The following KLHL30 variants were observed in gnomAD, a reference collection of about 807,000 sequenced individuals.
KLHL30 encodes the protein kelch like family member 30, also known as kelch-like protein 30.
In KLHL30, 55 loss-of-function variants were observed where a neutral mutation model predicts 55.0. The ratio of observed to expected loss-of-function variants is 1.00; its 90% CI spans 0.80 to 1.25. The LOEUF is 1.25. KLHL30 is among the 50% of genes most tolerant of loss of function. KLHL30 has a pLI of 0.00. For missense variants in KLHL30, 786 were observed against 811.6 expected (o/e 0.97, Z 0.38); for synonymous variants, 356 against 372.6 (o/e 0.96, Z 0.51).
chr2:238,145,571 G>C, intron 4 of KLHL30, 106 bp from the exon 5 acceptor site: 1 of 1,339,112 alleles, frequency 7.5e-7, no homozygotes, highest in South Asian at 1.3e-5. Flanking sequence ...CCACGTTGGA[G>C]ATCATGGCCT....
In KLHL30 at chr2:238,144,422, G is replaced by T. The variant is rs868493605; in HGVS notation, c.908-480G>T. Among the ~76,000 whole-genome samples the T allele has an allele frequency of 5.4e-3, 569 of 106,040 alleles. 3 individuals are homozygous for T. Among genetic ancestry groups the T allele is most frequent in the African/African-American group, 7.0e-3 (189 of 26,960 alleles). 69.6% of individuals were successfully genotyped at this position (106,040 alleles called of 152,430 possible). Reference sequence around the variant, plus strand: ...AGGAAGGAAGGAAGGAAGGAAGGAAGGAAGGAAGGAAGGCAGGCAGGCAGG... The same window carrying T: ...AGGAAGGAAGGAAGGAAGGAAGGAATGAAGGAAGGAAGGCAGGCAGGCAGG... On this transcript the variant is annotated intron_variant, in intron 3 of 7. Transcript: ENST00000409223.
At position 238,147,133 on chromosome 2, in the gene KLHL30, C is replaced by T. The variant is rs1692662325; in HGVS notation, c.1151-701C>T. 7.0e-6 allele frequency among the ~76,000 whole-genome samples: 1 copy of T among 143,530 alleles called. No homozygotes were observed. 94.2% of individuals were successfully genotyped at this position (143,530 alleles called of 152,430 possible). A position where few individuals can be genotyped will look rare whatever the true frequency, so the allele number is the denominator to read the frequency against. On this transcript the variant is annotated intron_variant, in intron 5 of 7. Coordinates refer to ENST00000409223, the MANE Select transcript of KLHL30 (RefSeq NM_198582.4). The surrounding 1 kb of genome is among the most constrained non-coding windows in gnomAD (Gnocchi z 5.8). Reference sequence around the variant, plus strand: ...CTGCACTTCAGCCTGGGTGACCGAGCAAGACCCTGTCTCAAAAAAAAAAAA... The same window carrying T: ...CTGCACTTCAGCCTGGGTGACCGAGTAAGACCCTGTCTCAAAAAAAAAAAA...
rs372276546 is a variant in KLHL30 at position 238,150,791 on chromosome 2, G to A, written c.1486-23G>A. ...GCTCTCCAGCTCCCGCCCACCGGAC[G>A]CTAACCCGCTGACCGTGCACAGGTG... On this transcript the variant is annotated intron_variant, in intron 7 of 7. Transcript: ENST00000409223. 62 of 1,557,726 alleles carry A rather than the reference G, an allele frequency of 4.0e-5. No individual in the cohort carries two copies. The African/African-American group carries it at 4.8e-4, about 12-fold the overall frequency.
chr2:238,148,750 C>T (rs1323610352), intron 6 of KLHL30, among the ~76,000 whole-genome samples: 1 of 152,148 alleles, frequency 6.6e-6, no homozygotes, highest in Admixed American at 6.5e-5. Context: ...CTGAGGGACC[C>T]CTGCACCCTC....
intron 2 of KLHL30, among the ~76,000 whole-genome samples, chr2:238,142,512 G>A (rs901517724): frequency 6.6e-6 from 1 of 152,156 alleles, no homozygotes; most frequent in African/African-American, 2.4e-5. Context: ...GGACACCCTC[G>A]TGCCGCCTGC....
chr2:238,142,463 C>T lies in KLHL30; in HGVS notation c.775-336C>T, dbSNP rs140298633. On this transcript the variant is annotated intron_variant, in intron 2 of 7. Coordinates refer to ENST00000409223, the MANE Select transcript of KLHL30 (RefSeq NM_198582.4). ...GGAGACCTAGGCAGTGACTGCTTACCGGCCGTTCCTAAGACAGCCAGCATT... is the reference window on the plus strand; with the variant it reads ...GGAGACCTAGGCAGTGACTGCTTACTGGCCGTTCCTAAGACAGCCAGCATT... Among the ~76,000 whole-genome samples the T allele has an allele frequency of 4.9e-3, 749 of 152,238 alleles. 5 individuals carry two copies. The highest frequency in any genetic ancestry group is 8.9e-3 in the Admixed American group (136 of 15,306).
Position 238,145,003 on chromosome 2 carries a change from G to C in KLHL30, c.994+15G>C. On this transcript the variant is annotated intron_variant, in intron 4 of 7. Transcript: ENST00000409223. ...CTATGTCACAGGTGGGCAGCTCGGG[G>C]ACCCTTCCAGAGATGCCCTGCCCAG... The C allele has an allele frequency of 6.3e-7, 1 of 1,580,522 alleles. No individual in the cohort carries two copies. Among genetic ancestry groups the C allele is most frequent in the Non-Finnish European group, 8.6e-7 (1 of 1,162,740 alleles).
At chr2:238,146,088 G>A (rs771273514) in intron 5 of KLHL30, among the ~76,000 whole-genome samples, 8 of 152,126 alleles carry the variant, frequency 5.3e-5, no homozygotes, top group Non-Finnish European at 1.2e-4. Context: ...GACAGCGACA[G>A]CAAGATGGTG....
In KLHL30 at chr2:238,140,930, A is replaced by G. The variant is rs370253088; in HGVS notation, c.176A>G (p.His59Arg). Residue 59 changes from histidine to arginine, a missense_variant, in exon 2 of 8, where the codon CAT (histidine) becomes CGT (arginine). Coordinates refer to ENST00000409223, the MANE Select transcript of KLHL30 (RefSeq NM_198582.4). ...CTGGCGCTCAGCAGCCCCTACTTCC[A>G]TGCCATGTTTGCGGGTGACTTCGCC... ...GLLALSSPYF[H>R]AMFAGDFAES... is the part of the protein sequence containing the mutation. The G allele has an allele frequency of 2.5e-6, 4 of 1,611,198 alleles. No homozygotes were observed. The highest frequency in any genetic ancestry group is 3.4e-6 in the Non-Finnish European group (4 of 1,178,712).
Position 238,144,431 on chromosome 2 carries a change from G to GC in KLHL30, c.908-471_908-470insC, listed in dbSNP as rs1294258742. ...GGAAGGAAGGAAGGAAGGAAGGAAG[G>GC]AAGGCAGGCAGGCAGGCAGGCAGGC... On this transcript the variant is annotated intron_variant, in intron 3 of 7. Coordinates refer to ENST00000409223, the MANE Select transcript of KLHL30 (RefSeq NM_198582.4). Among the ~76,000 whole-genome samples, 565 of 94,622 alleles carry GC rather than the reference G, an allele frequency of 6.0e-3. 3 individuals are homozygous for GC. Among genetic ancestry groups the GC allele is most frequent in the African/African-American group, 9.7e-3 (239 of 24,542 alleles). The allele number at this position is 94,622 out of a possible 152,430, so 62.1% of individuals were successfully genotyped here.
intron 2 of KLHL30, 135 bp from the exon 3 acceptor site, chr2:238,142,664 C>T: frequency 1.2e-6 from 1 of 843,886 alleles, no homozygotes; most frequent in Non-Finnish European, 1.6e-6. Flanking sequence ...GCAGCTTGTG[C>T]ACTCGGGCAC....
chr2:238,145,928 C>A, intron 5 of KLHL30, 96 bp downstream of exon 5: 1 of 1,335,652 alleles, frequency 7.5e-7, no homozygotes, highest in Non-Finnish European at 1.0e-6. Flanking sequence ...CCTCGGAGAC[C>A]ACGGAGATGC....
Position 238,147,992 on chromosome 2 carries a change from C to G in KLHL30, c.1309C>G (p.Leu437Val). ...CTCCAGCGCCTGCAAGTACAACGCCCTGGCCCTGCAGTGCTACAACCCTGT... is the reference window on the plus strand; with the variant it reads ...CTCCAGCGCCTGCAAGTACAACGCCGTGGCCCTGCAGTGCTACAACCCTGT... ...VGSSACKYNA[L>V]ALQCYNPVTD... Residue 437 changes from leucine (L) to valine (V), a missense_variant, in exon 6 of 8, where the codon CTG becomes GTG. Coordinates refer to ENST00000409223, the MANE Select transcript of KLHL30 (RefSeq NM_198582.4). This position sits in a 1 kb window ranked among gnomAD's most constrained non-coding sequence, Gnocchi z 5.8. 2 of 1,534,852 alleles carry G rather than the reference C, an allele frequency of 1.3e-6. No individual in the cohort carries two copies. Among genetic ancestry groups the G allele is most frequent in the Non-Finnish European group, 1.8e-6 (2 of 1,139,322 alleles).
chr2:238,141,363 GGTGCGCCATGA>G lies in KLHL30; in HGVS notation c.610_620del (p.Val204ProfsTer50). Reference sequence around the variant, plus strand: ...GCCGACTCGAGGCCCTGATGCGCTGGGTGCGCCATGACCCGCAGGCCCGGGCCGCCCACCTG... The same window carrying G: ...GCCGACTCGAGGCCCTGATGCGCTGGCCCGCAGGCCCGGGCCGCCCACCTG... On this transcript the variant is annotated frameshift_variant, in exon 2 of 8. Transcript: ENST00000409223. LOFTEE classifies it high-confidence loss of function. 6.3e-7 allele frequency: 1 copy of G among 1,597,988 alleles called. No individual in the cohort carries two copies. The highest frequency in any genetic ancestry group is 8.5e-7 in the Non-Finnish European group (1 of 1,176,566).
At position 238,147,774 on chromosome 2, in the gene KLHL30, G is replaced by A. The variant is rs1692672853; in HGVS notation, c.1151-60G>A. The A allele has an allele frequency of 1.7e-6, 2 of 1,154,314 alleles. No homozygotes were observed. Among genetic ancestry groups the A allele is most frequent in the African/African-American group, 1.6e-5 (1 of 62,486 alleles). 71.5% of individuals were successfully genotyped at this position (1,154,314 alleles called of 1,614,324 possible). ...GCTGCCTTACAAAGCCCCAGCCCCT[G>A]AGTTTCCAGGCCTCCCCTCTCCTCC... On this transcript the variant is annotated intron_variant, in intron 5 of 7. Coordinates refer to ENST00000409223, the MANE Select transcript of KLHL30 (RefSeq NM_198582.4). The surrounding 1 kb of genome is among the most constrained non-coding windows in gnomAD (Gnocchi z 5.8).
chr2:238,147,129 C>A lies in KLHL30; in HGVS notation c.1151-705C>A, dbSNP rs952228759. On this transcript the variant is annotated intron_variant, in intron 5 of 7. Transcript: ENST00000409223. This position sits in a 1 kb window ranked among gnomAD's most constrained non-coding sequence, Gnocchi z 5.8. ...ACCACTGCACTTCAGCCTGGGTGAC[C>A]GAGCAAGACCCTGTCTCAAAAAAAA... Among the ~76,000 whole-genome samples the A allele has an allele frequency of 1.4e-5, 2 of 147,540 alleles. No homozygotes were observed.
intron 3 of KLHL30, 93 bp downstream of exon 3, chr2:238,143,024 C>T (rs1559275355): frequency 4.4e-6 from 6 of 1,367,192 alleles, no homozygotes; most frequent in South Asian, 3.7e-5. Context: ...GCATGAGGCT[C>T]GCAGAGGACC....
In KLHL30 at chr2:238,149,136, C is replaced by G. The variant is rs143787837; in HGVS notation, c.1469C>G (p.Ala490Gly). The change falls in exon 7 of 8, where the codon GCC (alanine) becomes GGC (glycine). Residue 490 changes from alanine to glycine, a missense_variant. Ala to Gly is a moderately conservative substitution (Grantham distance 60, BLOSUM62 0). Coordinates refer to ENST00000409223, the MANE Select transcript of KLHL30 (RefSeq NM_198582.4). The stretch of plus-strand genomic sequence containing the variant: ...AAGGTCTACGTGTACGACCCCGGGG[C>G]CAACCTGTGGCAGAAGGTGGGCCGC... ...TKKVYVYDPG[A>G]NLWQKVQSQH... 3.6e-5 allele frequency: 58 copies of G among 1,612,842 alleles called. No individual in the cohort carries two copies. In the East Asian group the frequency reaches 1.3e-3, roughly 36 times the overall value.
In KLHL30 at chr2:238,145,721, G is replaced by A. The variant is rs779580682; in HGVS notation, c.1039G>A (p.Ala347Thr). The A allele has an allele frequency of 2.5e-6, 4 of 1,591,156 alleles. No individual in the cohort carries two copies. In the South Asian group the frequency reaches 3.4e-5, roughly 14 times the overall value. The change falls in exon 5 of 8, where the codon GCC becomes ACC. Residue 347 changes from alanine to threonine, a missense_variant. By Grantham distance (58) the Ala-to-Thr change is moderately conservative (BLOSUM62 0). Coordinates refer to ENST00000409223, the MANE Select transcript of KLHL30 (RefSeq NM_198582.4). The part of the protein sequence containing the change: ...TKTDTWSTTQ[A>T]WCFPLKEASW... ...GACAGACACCTGGTCAACCACCCAG[G>A]CCTGGTGCTTCCCCCTGAAGGAGGC...
Sources: gnomAD v4.1 joint callset for allele counts (sites outside exome capture counted in the v4.1 genomes callset) on GRCh38, gnomAD v4.1.1 for gene constraint, Gnocchi (gnomAD v3.1) non-coding constraint, MANE v1.5 for transcripts, NCBI Gene and HGNC (gene_info 2026-07-23, HGNC 2026-07-21) for gene names.